HDX: variants seen among roughly 807,000 people sequenced by gnomAD.
HDX encodes highly divergent homeobox.
In HDX, 19 loss-of-function variants were observed where a neutral mutation model predicts 45.2. The ratio of observed to expected loss-of-function variants is 0.42; its 90% CI spans 0.29 to 0.62. The LOEUF (loss-of-function observed/expected upper bound fraction) is 0.62. Ranked by LOEUF, HDX falls within the 20% of genes least tolerant of loss-of-function variation. HDX has a pLI of 0.20. For missense variants in HDX, 532 were observed against 493.9 expected, an observed-to-expected ratio of 1.08 and a Z score of -0.73; for synonymous variants, 188 against 172.8, an observed-to-expected ratio of 1.09 and a Z score of -0.69.
At chrX:84,457,969 A>T (rs1196019685) in intron 4 of HDX, among the ~76,000 whole-genome samples, 2 of 112,187 alleles carry the variant, frequency 1.8e-5, no homozygotes, top group Non-Finnish European at 3.8e-5. Context: ...GTGTGCAAAT[A>T]TCACCTTTTT....
intron 5 of HDX, among the ~76,000 whole-genome samples, chrX:84,365,792 G>A (rs985786289): frequency 2.7e-5 from 3 of 111,527 alleles, no homozygotes; most frequent in Admixed American, 9.6e-5. Flanking sequence ...CAAAGAGTAC[G>A]TGCGTTTAAA....
At chrX:84,376,554 A>G (rs773829569) in intron 5 of HDX, among the ~76,000 whole-genome samples, 7 of 110,907 alleles carry the variant, frequency 6.3e-5, no homozygotes, top group Admixed American at 9.6e-5. Flanking sequence ...CCATAAACTG[A>G]CTTAACAGCG....
chrX:84,340,960 G>T (rs1463141670), intron 7 of HDX, among the ~76,000 whole-genome samples: 1 of 111,549 alleles, frequency 9.0e-6, no homozygotes, highest in Non-Finnish European at 1.9e-5. Flanking sequence ...AGGAGCAGTG[G>T]TCCATTAAGA....
intron 4 of HDX, among the ~76,000 whole-genome samples, chrX:84,467,401 C>T (rs778620116): frequency 9.1e-6 from 1 of 110,290 alleles, no homozygotes. Flanking sequence ...CTGAGGTGGG[C>T]GGATCATCTG....
intron 4 of HDX, among the ~76,000 whole-genome samples, chrX:84,464,922 C>G (rs1441961425): frequency 2.7e-5 from 3 of 111,669 alleles, no homozygotes; most frequent in African/African-American, 9.8e-5. Context: ...TTGCAATCTA[C>G]TCATCTGACA....
intron 2 of HDX, among the ~76,000 whole-genome samples, chrX:84,481,792 C>T (rs768688481): frequency 3.6e-5 from 4 of 110,877 alleles, no homozygotes; most frequent in South Asian, 3.8e-4. Context: ...CTGGGGTTTG[C>T]GCTTCTAGTG....
At chrX:84,413,380 T>C (rs2039031313) in intron 5 of HDX, among the ~76,000 whole-genome samples, 1 of 111,834 alleles carries the variant, frequency 8.9e-6, no homozygotes, top group African/African-American at 3.3e-5. Context: ...GTGGGCTCAG[T>C]GGACTGGCTT....
chrX:84,378,193 T>A (rs1463793923), intron 5 of HDX, among the ~76,000 whole-genome samples: 1 of 111,445 alleles, frequency 9.0e-6, no homozygotes, highest in African/African-American at 3.3e-5. Flanking sequence ...ATAAAGACAT[T>A]CCCAGATGAA....
chrX:84,366,324 A>G (rs1236069990), intron 5 of HDX, among the ~76,000 whole-genome samples: 1 of 111,969 alleles, frequency 8.9e-6, no homozygotes, highest in Non-Finnish European at 1.9e-5. Flanking sequence ...CTGCTCAAGG[A>G]AACAAGAGAG....
At chrX:84,446,188 T>C (rs2039868816) in intron 4 of HDX, among the ~76,000 whole-genome samples, 1 of 111,825 alleles carries the variant, frequency 8.9e-6, no homozygotes, top group Admixed American at 9.5e-5. Context: ...ATCACAAATC[T>C]AGAGCCCCTA....
intron 5 of HDX, among the ~76,000 whole-genome samples, chrX:84,373,066 C>T (rs2037938961): frequency 9.0e-6 from 1 of 110,994 alleles, no homozygotes; most frequent in Non-Finnish European, 1.9e-5. Flanking sequence ...TGGGTTAATT[C>T]ATAAAAGCTG....
intron 5 of HDX, among the ~76,000 whole-genome samples, chrX:84,420,665 C>A (rs1347717944): frequency 9.0e-6 from 1 of 111,009 alleles, no homozygotes; most frequent in East Asian, 2.8e-4. Flanking sequence ...GCATATTTAA[C>A]CCAAATAAAA....
At chrX:84,460,807 A>T (rs1254523690) in intron 4 of HDX, among the ~76,000 whole-genome samples, 9 of 112,311 alleles carry the variant, frequency 8.0e-5, no homozygotes, top group Non-Finnish European at 3.8e-5. Flanking sequence ...ACACTCTGCC[A>T]AAAAACTATT....
chrX:84,496,393 G>A (rs1301305963), intron 1 of HDX, among the ~76,000 whole-genome samples: 3 of 110,273 alleles, frequency 2.7e-5, no homozygotes, highest in African/African-American at 9.9e-5. Context: ...TAAGTAACTG[G>A]GAGGTCTTGT....
At chrX:84,426,287 A>T (rs12391953) in intron 5 of HDX, among the ~76,000 whole-genome samples, 7,826 of 110,298 alleles carry the variant, frequency 0.071, 332 homozygotes, top group African/African-American at 0.16. Context: ...TAGAACTACC[A>T]TATAATTTGA....
chrX:84,487,242 G>T (rs1311630426), intron 2 of HDX, among the ~76,000 whole-genome samples: 2 of 111,940 alleles, frequency 1.8e-5, no homozygotes, highest in African/African-American at 6.5e-5. Context: ...CTTTTTCAAG[G>T]TGTTTATTTT....
chrX:84,359,298 G>T (rs1166165717), intron 6 of HDX, among the ~76,000 whole-genome samples: 3 of 110,559 alleles, frequency 2.7e-5, no homozygotes, highest in Admixed American at 9.7e-5. Context: ...CCATGAACTA[G>T]ATATTAAGCC....
At chrX:84,416,015 C>T (rs2039095184) in intron 5 of HDX, among the ~76,000 whole-genome samples, 1 of 111,942 alleles carries the variant, frequency 8.9e-6, no homozygotes. Flanking sequence ...TAAACAGTCT[C>T]ACAGATGACA....
intron 5 of HDX, among the ~76,000 whole-genome samples, chrX:84,405,584 T>C (rs1015858276): frequency 3.0e-5 from 3 of 99,119 alleles, no homozygotes; most frequent in African/African-American, 1.1e-4. Flanking sequence ...TACTGGATTT[T>C]CTGCTTTTTT....
Sources: allele counts gnomAD v4.1 joint callset (sites outside exome capture counted in the v4.1 genomes callset), GRCh38; gene constraint gnomAD v4.1.1; transcripts MANE v1.5; gene names NCBI Gene and HGNC (gene_info 2026-07-23, HGNC 2026-07-21).